The following CTNNA3 variants were observed in gnomAD, a reference collection of about 807,000 sequenced individuals.
CTNNA3 encodes the protein catenin alpha-3.
CTNNA3 carries 76 observed loss-of-function variants against 95.7 expected under a neutral mutation model. The observed-to-expected ratio is 0.79, with a 90% CI of 0.66 to 0.96. The LOEUF is 0.96. Among genes scored for constraint, CTNNA3 ranks in the 40% least tolerant of loss-of-function variants. The pLI is 0.00. For missense variants in CTNNA3, 1,191 were observed against 1,089.8 expected (o/e 1.09, Z -1.31); for synonymous variants, 431 against 374.4 (o/e 1.15, Z -1.74).
At chr10:66,071,344 T>G (rs1193393844) in intron 14 of CTNNA3, among the ~76,000 whole-genome samples, 1 of 28,386 alleles carries the variant, frequency 3.5e-5, no homozygotes, top group Non-Finnish European at 8.7e-5. Flanking sequence ...TAAGATTATA[T>G]TGTGTAACTA....
At chr10:66,971,241 C>T (rs1367951940) in intron 7 of CTNNA3, among the ~76,000 whole-genome samples, 1 of 152,048 alleles carries the variant, frequency 6.6e-6, no homozygotes, top group African/African-American at 2.4e-5. Context: ...GCCTGACCAA[C>T]ATAGTGAAAC....
chr10:66,558,414 C>T (rs1189229731), intron 10 of CTNNA3, among the ~76,000 whole-genome samples: 2 of 152,076 alleles, frequency 1.3e-5, no homozygotes, highest in African/African-American at 4.8e-5. Flanking sequence ...ATAACTTATA[C>T]TCTTTAAAGA....
intron 1 of CTNNA3, among the ~76,000 whole-genome samples, chr10:67,650,746 C>T (rs966578171): frequency 5.3e-5 from 8 of 152,168 alleles, no homozygotes; most frequent in Admixed American, 2.0e-4. Context: ...ACCCTGTGCA[C>T]GTCTCTATTA....
At chr10:67,441,337 C>T (rs1270195855) in intron 5 of CTNNA3, among the ~76,000 whole-genome samples, 1 of 150,208 alleles carries the variant, frequency 6.7e-6, no homozygotes, top group African/African-American at 2.4e-5. Flanking sequence ...AAGGGCAAAT[C>T]TAAGAATTAT....
intron 2 of CTNNA3, among the ~76,000 whole-genome samples, chr10:67,628,983 A>T (rs1418487265): frequency 2.6e-5 from 4 of 152,002 alleles, no homozygotes; most frequent in Non-Finnish European, 5.9e-5. Context: ...GAATCAATGA[A>T]CTGTGTAAAA....
chr10:66,348,521 CAT>C (rs1369820970), intron 12 of CTNNA3, among the ~76,000 whole-genome samples: 1 of 152,048 alleles, frequency 6.6e-6, no homozygotes, highest in East Asian at 1.9e-4. Flanking sequence ...CAGGTTGAAT[CAT>C]ATGAAATTAT....
At chr10:67,555,313 A>G (rs577388044) in intron 3 of CTNNA3, among the ~76,000 whole-genome samples, 14 of 152,254 alleles carry the variant, frequency 9.2e-5, no homozygotes, top group South Asian at 2.1e-4. Context: ...AGCTTGATGC[A>G]GATGGCATTG....
intron 10 of CTNNA3, among the ~76,000 whole-genome samples, chr10:66,552,860 T>C (rs940762170): frequency 2.6e-5 from 4 of 151,904 alleles, no homozygotes; most frequent in Non-Finnish European, 5.9e-5. Context: ...CACATTTTCC[T>C]TTTTTTCCGT....
At chr10:66,933,460 T>C (rs1439247852) in intron 7 of CTNNA3, among the ~76,000 whole-genome samples, 1 of 152,224 alleles carries the variant, frequency 6.6e-6, no homozygotes, top group African/African-American at 2.4e-5. Context: ...CTTTCTAGTA[T>C]CATTGTGTTC....
At chr10:66,719,013 T>C (rs1167402620) in intron 9 of CTNNA3, among the ~76,000 whole-genome samples, 3 of 152,330 alleles carry the variant, frequency 2.0e-5, no homozygotes, top group Admixed American at 6.5e-5. Flanking sequence ...ATCTGCGCTA[T>C]CCGTTCTGCA....
chr10:67,142,114 A>G (rs899961992), intron 7 of CTNNA3, among the ~76,000 whole-genome samples: 1 of 152,176 alleles, frequency 6.6e-6, no homozygotes, highest in African/African-American at 2.4e-5. Context: ...AATGAAAAAA[A>G]GTGTTTTCTA....
At chr10:67,427,670 G>T (rs1845970421) in intron 5 of CTNNA3, among the ~76,000 whole-genome samples, 2 of 151,918 alleles carry the variant, frequency 1.3e-5, no homozygotes, top group African/African-American at 4.8e-5. Context: ...TCTGTTAAGT[G>T]CAAAGTCTCA....
chr10:65,945,067 C>A (rs191953520), intron 17 of CTNNA3, among the ~76,000 whole-genome samples: 8 of 152,162 alleles, frequency 5.3e-5, no homozygotes, highest in African/African-American at 1.9e-4. Flanking sequence ...AAACCAGGCA[C>A]AAATTTACCT....
chr10:67,661,351 G>A (rs370262827), intron 1 of CTNNA3, among the ~76,000 whole-genome samples: 1 of 151,948 alleles, frequency 6.6e-6, no homozygotes, highest in Non-Finnish European at 1.5e-5. Context: ...AGTTAGGCAG[G>A]GAGGAAGGGA....
At chr10:67,125,519 T>C (rs938427539) in intron 7 of CTNNA3, among the ~76,000 whole-genome samples, 4 of 152,180 alleles carry the variant, frequency 2.6e-5, no homozygotes, top group African/African-American at 9.7e-5. Context: ...CAAACTTACA[T>C]CTATGAATAT....
chr10:66,245,037 A>G (rs1036856160), intron 13 of CTNNA3, among the ~76,000 whole-genome samples: 19 of 151,700 alleles, frequency 1.3e-4, no homozygotes, highest in African/African-American at 3.6e-4. Flanking sequence ...CATTCTTCCC[A>G]CCCTGCCTGG....
intron 5 of CTNNA3, among the ~76,000 whole-genome samples, chr10:67,408,384 A>G (rs1845227958): frequency 6.6e-6 from 1 of 152,200 alleles, no homozygotes; most frequent in East Asian, 1.9e-4. Flanking sequence ...GTACACGAAC[A>G]GACACATAGA....
At chr10:67,153,124 C>T (rs1861157662) in intron 7 of CTNNA3, among the ~76,000 whole-genome samples, 1 of 151,916 alleles carries the variant, frequency 6.6e-6, no homozygotes, top group Non-Finnish European at 1.5e-5. Flanking sequence ...TACAGGTGCC[C>T]ACCACCACAC....
Position 67,401,069 on chromosome 10 carries a change from G to A in CTNNA3, c.579+120773C>T, listed in dbSNP as rs113323658. ...ACAAAACAAAAAATACTGATGACTA[G>A]TGATCACATTAAAATAAATGACATC... On this transcript the variant is annotated intron_variant, in intron 5 of 17. Transcript: ENST00000433211. Among the ~76,000 whole-genome samples the A allele has an allele frequency of 1.1e-4, 16 of 152,198 alleles. No homozygotes were observed. In the South Asian group the frequency reaches 2.9e-3, roughly 28 times the overall value.
Sources: gnomAD v4.1 joint callset for allele counts (sites outside exome capture counted in the v4.1 genomes callset) on GRCh38, gnomAD v4.1.1 for gene constraint, MANE v1.5 for transcripts, NCBI Gene and HGNC (gene_info 2026-07-23, HGNC 2026-07-21) for gene names.